Variants in IDH3G observed in about 807,000 individuals in gnomAD.
The protein encoded by IDH3G is isocitrate dehydrogenase [NAD] subunit gamma, mitochondrial.
Under a neutral mutation model 26.9 loss-of-function variants are expected in IDH3G, and 9 were observed. The observed-to-expected ratio is 0.34, with a 90% CI of 0.20 to 0.58. The LOEUF (loss-of-function observed/expected upper bound fraction) is 0.58, where lower values mean the gene tolerates loss of function less well. Among genes scored for constraint, IDH3G ranks in the 20% least tolerant of loss-of-function variants. IDH3G has a pLI of 0.85. For synonymous variants in IDH3G, 181 were observed against 160.0 expected, an observed-to-expected ratio of 1.13 and a Z score of -0.99; for missense variants, 250 against 372.8, an observed-to-expected ratio of 0.67 and a Z score of 2.71.
chrX:153,788,160 T>A (rs782126866), intron 5 of IDH3G, 25 bp from the exon 6 acceptor site: 96 of 1,202,236 alleles, frequency 8.0e-5, no homozygotes, highest in Non-Finnish European at 1.0e-4. Context: ...ACAGGCTTAG[T>A]GGCACTGCCC....
At chrX:153,790,601 A>G (rs1557070256) in intron 2 of IDH3G, 26 bp from the exon 3 acceptor site, 2 of 1,204,239 alleles carry the variant, frequency 1.7e-6, no homozygotes, top group South Asian at 3.5e-5. Context: ...AAGGAAGAAG[A>G]CACAATCAGC....
intron 1 of IDH3G, 191 bp from the exon 2 acceptor site, chrX:153,791,042 A>G (rs2092107837): frequency 7.2e-6 from 3 of 415,167 alleles, no homozygotes; most frequent in Non-Finnish European, 1.3e-5. Context: ...GAGCACCTGG[A>G]AAGTAGAAGG....
intron 4 of IDH3G, 75 bp downstream of exon 4, chrX:153,790,120 C>T (rs1471425693): frequency 3.6e-5 from 31 of 857,986 alleles, no homozygotes; most frequent in East Asian, 2.5e-4. Context: ...TGCTTCTGGG[C>T]GCAATGCCCC....
Position 153,785,836 on chromosome X carries a change from A to T in IDH3G, c.*36T>A, listed in dbSNP as rs1557068963. 6.7e-6 allele frequency: 8 copies of T among 1,200,538 alleles called. No individual in the cohort carries two copies. Among genetic ancestry groups the T allele is most frequent in the Non-Finnish European group, 9.0e-6 (8 of 886,669 alleles). ...CTGGGGTGCTGGAGTGGGAAGGGGA[A>T]TCCAAGGAGCAAACCAAGAAGGTCC... is the stretch of plus-strand genomic sequence containing the variant. On this transcript the variant is annotated 3_prime_UTR_variant, in exon 13 of 13. Transcript: ENST00000217901.
In IDH3G at chrX:153,787,460, A is replaced by G. The variant is rs782487895; in HGVS notation, c.674+4T>C. The G allele has an allele frequency of 9.9e-6, 12 of 1,210,978 alleles. No individual in the cohort carries two copies. Among genetic ancestry groups the G allele is most frequent in the South Asian group, 1.8e-5 (1 of 56,892 alleles). On this transcript the variant is annotated splice_donor_region_variant and intron_variant, in intron 8 of 12. Transcript: ENST00000217901. ...ACTGCTCGCAGAGAGGTCAGGGGAC[A>G]TACATGATGTTGGCCTTGTGCACGG... is the stretch of plus-strand genomic sequence containing the variant.
At chrX:153,793,792 G>C (rs4898445) in intron 1 of IDH3G, 56,327 of 111,241 alleles carry the variant, frequency 0.51, 11,584 homozygotes, top group East Asian at 0.88. Flanking sequence ...TCTAAGACTG[G>C]GGGACTATGG....
chrX:153,792,784 C>T (rs1163330268), intron 1 of IDH3G, among the ~76,000 whole-genome samples: 2 of 112,600 alleles, frequency 1.8e-5, no homozygotes, highest in African/African-American at 6.4e-5. Context: ...CAGGCACCTT[C>T]CTTCAGGAGG....
intron 8 of IDH3G, 149 bp from the exon 9 acceptor site, chrX:153,787,302 C>A (rs1389326224): frequency 6.4e-6 from 5 of 787,334 alleles, no homozygotes; most frequent in Non-Finnish European, 9.3e-6. Flanking sequence ...CCCACCTCCC[C>A]TAAGTGTGGG....
chrX:153,788,180 C>T (rs781842821), intron 5 of IDH3G, 45 bp from the exon 6 acceptor site: 3 of 1,178,570 alleles, frequency 2.5e-6, no homozygotes, highest in Non-Finnish European at 3.5e-6. Context: ...CATCCCCGCC[C>T]CACCTCAGCA....
Position 153,790,763 on chromosome X carries a change from C to T in IDH3G, c.123+47G>A, listed in dbSNP as rs782699287. 10 of 1,178,774 alleles carry T rather than the reference C, an allele frequency of 8.5e-6. No individual in the cohort carries two copies. The Admixed American group carries it at 1.3e-4, about 15-fold the overall frequency. ...GGCCGTGCACACACGCGCACAATTG[C>T]GGCCACATGGAGAAAGACACATGCG... On this transcript the variant is annotated intron_variant, in intron 2 of 12. Transcript: ENST00000217901.
chrX:153,790,990 A>G, intron 1 of IDH3G, 139 bp from the exon 2 acceptor site: 1 of 514,934 alleles, frequency 1.9e-6, no homozygotes. Flanking sequence ...GGCACAATAG[A>G]TAATTAGCTC....
intron 1 of IDH3G, 182 bp downstream of exon 1, chrX:153,794,064 A>T: frequency 2.0e-6 from 1 of 492,114 alleles, no homozygotes; most frequent in Non-Finnish European, 3.2e-6. Flanking sequence ...GAGCCGGTCC[A>T]GGGCCAACTT....
chrX:153,786,514 C>T lies in IDH3G; in HGVS notation c.925-65G>A, dbSNP rs925595687. On this transcript the variant is annotated intron_variant, in intron 10 of 12. Coordinates refer to ENST00000217901, the MANE Select transcript of IDH3G (RefSeq NM_004135.4). ...AGGATGCCGGGCAGTGACTCTGCTC[C>T]TGTGACACGTCCAGAAGAAGCCACT... 6.8e-6 allele frequency: 6 copies of T among 887,305 alleles called. No individual in the cohort carries two copies. In the African/African-American group the frequency reaches 1.2e-4, roughly 18 times the overall value. 73.1% of individuals were successfully genotyped at this position (887,305 alleles called of 1,213,427 possible).
At chrX:153,792,231 G>A (rs782488234) in intron 1 of IDH3G, 1 of 111,664 alleles carries the variant, frequency 9.0e-6, no homozygotes, top group Admixed American at 9.5e-5. Context: ...TGTCACCCTA[G>A]GACCCAGCAC....
Position 153,785,886 on chromosome X carries a change from C to T in IDH3G, c.1168G>A (p.Ala390Thr), listed in dbSNP as rs781791676. The change falls in exon 13 of 13, where the codon GCC becomes ACC. Residue 390 changes from alanine to threonine, a missense_variant. Ala to Thr is a moderately conservative substitution (Grantham distance 58). Around this residue, in one of 2 missense-constraint regions of IDH3G, gnomAD observed 201 missense variants for 331.3 expected, o/e 0.61. Transcript: ENST00000217901. ...CTAGGGCCAGCCTAGGCCTCCACGG[C>T]CCGGCCGTTGATGACGCGGATGTGG... ...IRHIRVINGR[A>T]VEA 47 of 1,209,984 alleles carry T rather than the reference C, an allele frequency of 3.9e-5. 1 individual carries two copies. The Admixed American group carries it at 1.0e-3, about 26-fold the overall frequency.
Position 153,786,861 on chromosome X carries a change from G to A in IDH3G, c.864C>T (p.Val288=), listed in dbSNP as rs782551774. Residue 288 remains valine, a synonymous_variant, in exon 10 of 13, where the codon GTC becomes GTT. Coordinates refer to ENST00000217901, the MANE Select transcript of IDH3G (RefSeq NM_004135.4). ...NIVNNVCAGL[V]GGPGLVAGAN... ...CCCCAGCCACAAGGCCTGGGCCCCCGACCAGTCCCGCGCAGACATTGTTGA... is the reference window on the plus strand; with the variant it reads ...CCCCAGCCACAAGGCCTGGGCCCCCAACCAGTCCCGCGCAGACATTGTTGA... The A allele has an allele frequency of 1.2e-5, 14 of 1,210,626 alleles. No individual in the cohort carries two copies. The highest frequency in any genetic ancestry group is 1.6e-5 in the Non-Finnish European group (14 of 894,708).
chrX:153,790,605 A>G, intron 2 of IDH3G, 30 bp from the exon 3 acceptor site: 1 of 1,203,073 alleles, frequency 8.3e-7, no homozygotes, highest in Non-Finnish European at 1.1e-6. Context: ...AAGAAGACAC[A>G]ATCAGCCAAG....
chrX:153,793,622 G>C (rs1557071027), intron 1 of IDH3G: 4 of 112,234 alleles, frequency 3.6e-5, no homozygotes, highest in Admixed American at 2.8e-4. Context: ...AGCCCACCTA[G>C]GACCTAAATT....
intron 1 of IDH3G, among the ~76,000 whole-genome samples, chrX:153,793,156 A>T (rs2092116369): frequency 9.0e-6 from 1 of 111,140 alleles, no homozygotes. Flanking sequence ...CCCAACGCAC[A>T]CACAGGCACA....
Sources: gnomAD v4.1 joint callset for allele counts (sites outside exome capture counted in the v4.1 genomes callset) on GRCh38, gnomAD v4.1.1 for gene constraint, gnomAD v4.1.1 regional missense constraint, MANE v1.5 for transcripts, NCBI Gene and HGNC (gene_info 2026-07-23, HGNC 2026-07-21) for gene names.